Variants in TYW5 observed in about 807,000 individuals in gnomAD.
The protein encoded by TYW5 is tRNA wybutosine-synthesizing protein 5.
In TYW5, 36 loss-of-function variants were observed where a neutral mutation model predicts 44.4. The ratio of observed to expected loss-of-function variants is 0.81; its 90% confidence interval spans 0.62 to 1.07. The LOEUF is 1.07. Ranked by LOEUF, TYW5 falls within the 50% of genes least tolerant of loss-of-function variation. TYW5 has a pLI of 0.00. For missense variants in TYW5, 354 were observed against 365.7 expected (o/e 0.97, Z 0.26); for synonymous variants, 121 against 128.1 (o/e 0.94, Z 0.37).
chr2:199,955,051 T>G (rs2077584032), intron 1 of TYW5, among the ~76,000 whole-genome samples: 1 of 152,194 alleles, frequency 6.6e-6, no homozygotes, highest in African/African-American at 2.4e-5. Flanking sequence ...GCTTTCCTTT[T>G]TGGCTCAGTG....
At position 199,944,070 on chromosome 2, in the gene TYW5, T is replaced by C. The variant is rs994023070; in HGVS notation, c.234-236A>G. The C allele has an allele frequency of 1.8e-4, 67 of 374,498 alleles. 1 individual carries two copies. In the Middle Eastern group the frequency reaches 2.2e-3, roughly 12 times the overall value. The allele number at this position is 374,498 out of a possible 1,614,324, so 23.2% of individuals were successfully genotyped here. A position where few individuals can be genotyped will look rare whatever the true frequency, so the allele number is the denominator to read the frequency against. ...GAATTAAATATTTCAAAATCTATGA[T>C]ACAGATGAATCTTTCAATAGATCAA... On this transcript the variant is annotated intron_variant, in intron 2 of 7. Transcript: ENST00000354611.
chr2:199,940,067 G>A, intron 4 of TYW5, 22 bp downstream of exon 4: 1 of 1,608,166 alleles, frequency 6.2e-7, no homozygotes, highest in Non-Finnish European at 8.5e-7. Flanking sequence ...TTAGGGAATT[G>A]TTTTACATTT....
chr2:199,939,685 T>C (rs2077449677), intron 4 of TYW5, among the ~76,000 whole-genome samples: 1 of 152,142 alleles, frequency 6.6e-6, no homozygotes, highest in African/African-American at 2.4e-5. Flanking sequence ...ATAATCTTAT[T>C]TGATCATTTT....
At chr2:199,954,943 A>G (rs2077582497) in intron 1 of TYW5, among the ~76,000 whole-genome samples, 1 of 152,190 alleles carries the variant, frequency 6.6e-6, no homozygotes, top group South Asian at 2.1e-4. Flanking sequence ...TAAAGACCTA[A>G]GGTTCTAACT....
chr2:199,953,097 G>A (rs913483613), intron 1 of TYW5, among the ~76,000 whole-genome samples: 3 of 152,168 alleles, frequency 2.0e-5, no homozygotes, highest in Non-Finnish European at 4.4e-5. Context: ...TGAGATGGGC[G>A]GATCACCTGA....
At chr2:199,954,989 C>T (rs1365558447) in intron 1 of TYW5, among the ~76,000 whole-genome samples, 6 of 152,158 alleles carry the variant, frequency 3.9e-5, no homozygotes, top group Non-Finnish European at 8.8e-5. Flanking sequence ...GAACTAGAAC[C>T]TAAGTAAGTT....
At chr2:199,937,472 G>A (rs2077429285) in intron 5 of TYW5, among the ~76,000 whole-genome samples, 1 of 151,360 alleles carries the variant, frequency 6.6e-6, no homozygotes, top group South Asian at 2.1e-4. Context: ...AGACCAGCCT[G>A]GCCAACGTCG....
intron 7 of TYW5, among the ~76,000 whole-genome samples, chr2:199,933,729 A>T (rs34603458): frequency 0.012 from 1,851 of 152,212 alleles, 26 homozygotes; most frequent in Non-Finnish European, 0.019. Context: ...AGTATCTTTG[A>T]CCTTTTCTGA....
rs1460919317 is a variant in TYW5, at chr2:199,948,372, ATC to A, written c.177_178del (p.Lys59AsnfsTer13). 19 of 1,614,058 alleles carry A rather than the reference ATC, an allele frequency of 1.2e-5. No individual in the cohort carries two copies. Among genetic ancestry groups the A allele is most frequent in the Non-Finnish European group, 1.6e-5 (19 of 1,180,038 alleles). On this transcript the variant is annotated frameshift_variant, in exon 2 of 8. Transcript: ENST00000354611. LOFTEE classifies it high-confidence loss of function. ...CATCTGTGCAACTGCAGCAACATGA[ATC>A]TTTACTTCTTTCTTCCCTCCAACTT...
chr2:199,943,937 C>T, intron 2 of TYW5, 103 bp from the exon 3 acceptor site: 1 of 734,540 alleles, frequency 1.4e-6, no homozygotes, highest in Non-Finnish European at 2.2e-6. Context: ...ATATAATCTC[C>T]TGTTTTATAA....
At chr2:199,955,246 T>A (rs1050631641) in intron 1 of TYW5, 147 bp downstream of exon 1, 7 of 837,556 alleles carry the variant, frequency 8.4e-6, no homozygotes, top group Non-Finnish European at 1.3e-5. Flanking sequence ...ACCTTTCCCT[T>A]GGTCTAAGGG....
chr2:199,936,104 AG>A, intron 6 of TYW5, 57 bp from the exon 7 acceptor site: 2 of 1,025,234 alleles, frequency 2.0e-6, no homozygotes, highest in South Asian at 2.8e-5. Flanking sequence ...TTTTAAAAAA[AG>A]TAATCACAAA....
In TYW5 at chr2:199,936,404, C is replaced by G. The variant is rs2077420957; in HGVS notation, c.574+1G>C. The G allele has an allele frequency of 3.1e-6, 5 of 1,607,914 alleles. No homozygotes were observed. The highest frequency in any genetic ancestry group is 4.2e-6 in the Non-Finnish European group (5 of 1,178,084). Reference sequence around the variant, plus strand: ...ATATAAACTTAAAAAAAATCCCATACCTTTTAAATATAAATACTGGGCATC... The same window carrying G: ...ATATAAACTTAAAAAAAATCCCATAGCTTTTAAATATAAATACTGGGCATC... On this transcript the variant is annotated splice_donor_variant, in intron 6 of 7. Transcript: ENST00000354611. LOFTEE classifies it high-confidence loss of function.
Position 199,948,429 on chromosome 2 carries a change from G to C in TYW5, c.122C>G (p.Thr41Arg), listed in dbSNP as rs774317977. The C allele has an allele frequency of 6.8e-6, 11 of 1,613,944 alleles. No homozygotes were observed. The Admixed American group carries it at 1.7e-4, about 24-fold the overall frequency. ...TAGGTAATCCACTGTCCATTTGCTT[G>C]TACATGGCCCCAAATCAATCCCTTC... ...VLEGIDLGPC[T>R]SKWTVDYLSQ... The change falls in exon 2 of 8, where the codon ACA (threonine) becomes AGA (arginine). Residue 41 changes from threonine (T) to arginine (R), a missense_variant. Thr to Arg is a moderately conservative substitution (Grantham distance 71, BLOSUM62 -1). Transcript: ENST00000354611.
At position 199,929,922 on chromosome 2, in the gene TYW5, T is replaced by C. The variant is rs1293504157; in HGVS notation, c.*3145A>G. 1 of 151,606 alleles carries C rather than the reference T, an allele frequency of 6.6e-6. No individual in the cohort carries two copies. The highest frequency in any genetic ancestry group is 1.5e-5 in the Non-Finnish European group (1 of 68,056). The allele number at this position is 151,606 out of a possible 1,614,324, so 9.4% of individuals were successfully genotyped here. ...CTCCTCCTGCCTCAGCCTCCCAAGATGCTGGGACTACAGGTGTGGACCACC... is the reference window on the plus strand; with the variant it reads ...CTCCTCCTGCCTCAGCCTCCCAAGACGCTGGGACTACAGGTGTGGACCACC... On this transcript the variant is annotated 3_prime_UTR_variant, in exon 8 of 8. Transcript: ENST00000354611.
Position 199,948,442 on chromosome 2 carries a change from A to C in TYW5, c.109T>G (p.Leu37Val). ...GTCCATTTGCTTGTACATGGCCCCA[A>C]ATCAATCCCTTCCAACACAAGAGGT... The part of the protein sequence containing the change: ...RKPLVLEGID[L>V]GPCTSKWTVD... The change falls in exon 2 of 8, where the codon TTG becomes GTG. Residue 37 changes from leucine (L) to valine (V), a missense_variant. By Grantham distance (32) the Leu-to-Val change is conservative. Transcript: ENST00000354611. 1 of 1,614,094 alleles carries C rather than the reference A, an allele frequency of 6.2e-7. No homozygotes were observed.
chr2:199,939,676 T>C (rs556449440), intron 4 of TYW5, among the ~76,000 whole-genome samples: 1 of 152,192 alleles, frequency 6.6e-6, no homozygotes, highest in Admixed American at 6.5e-5. Context: ...ATGGAAAAAA[T>C]AATCTTATTT....
chr2:199,953,811 T>G (rs2077567926), intron 1 of TYW5, among the ~76,000 whole-genome samples: 1 of 152,198 alleles, frequency 6.6e-6, no homozygotes, highest in South Asian at 2.1e-4. Flanking sequence ...GTTTGTAATT[T>G]TCGACTTTTT....
At chr2:199,935,799 A>C (rs1183553115) in intron 7 of TYW5, 132 bp downstream of exon 7, 3 of 645,852 alleles carry the variant, frequency 4.6e-6, no homozygotes, top group Non-Finnish European at 8.2e-6. Context: ...GTTTTGTCTA[A>C]AAATCATCTT....
Sources: allele counts gnomAD v4.1 joint callset (sites outside exome capture counted in the v4.1 genomes callset), GRCh38; gene constraint gnomAD v4.1.1; transcripts MANE v1.5; gene names NCBI Gene and HGNC (gene_info 2026-07-23, HGNC 2026-07-21).